The following TOM1 variants were observed in gnomAD, a reference collection of about 807,000 sequenced individuals.
The protein encoded by TOM1 is target of myb1 membrane trafficking protein.
In TOM1, 38 loss-of-function variants were observed where a neutral mutation model predicts 61.3. The observed-to-expected ratio is 0.62, with a 90% CI of 0.48 to 0.81. The LOEUF (loss-of-function observed/expected upper bound fraction) is 0.81. Ranked by LOEUF, TOM1 falls within the 40% of genes least tolerant of loss-of-function variation. TOM1 has a pLI of 0.00. For synonymous variants in TOM1, 270 were observed against 268.8 expected (o/e 1.00, Z -0.04); for missense variants, 591 against 659.6 (o/e 0.90, Z 1.14).
intron 3 of TOM1, 196 bp downstream of exon 3, chr22:35,322,233 A>C (rs1018484953): frequency 4.5e-5 from 26 of 581,160 alleles, no homozygotes; most frequent in Admixed American, 3.0e-4. Flanking sequence ...GGTTCTCCCC[A>C]ATCCCCCAGC....
Position 35,330,391 on chromosome 22 carries a change from G to C in TOM1, c.810G>C (p.Glu270Asp). The C allele has an allele frequency of 6.2e-7, 1 of 1,613,586 alleles. No homozygotes were observed. The highest frequency in any genetic ancestry group is 8.5e-7 in the Non-Finnish European group (1 of 1,179,864). The change falls in exon 8 of 15, where the codon GAG (glutamate) becomes GAC (aspartate). Residue 270 changes from glutamate to aspartate, a missense_variant. Physicochemically the swap from Glu to Asp is conservative, Grantham distance 45. Coordinates refer to ENST00000449058, the MANE Select transcript of TOM1 (RefSeq NM_005488.3). ...GAGCCATGCAGCAGCGGGTCCTGGA[G>C]CTCATCCCTCAGATCGCCAATGAGC... ...TCRAMQQRVL[E>D]LIPQIANEQL... is the part of the protein sequence containing the mutation.
At chr22:35,345,826 C>T in intron 13 of TOM1, 42 bp downstream of exon 13, 8 of 1,603,950 alleles carry the variant, frequency 5.0e-6, no homozygotes, top group East Asian at 2.2e-5. Flanking sequence ...CAGGAGGACC[C>T]GTTGTTCTCA....
chr22:35,303,658 C>T (rs1011270184), intron 1 of TOM1, among the ~76,000 whole-genome samples: 8 of 151,780 alleles, frequency 5.3e-5, no homozygotes, highest in African/African-American at 9.7e-5. Context: ...CCACCATGCC[C>T]GGCTAATTTT....
At position 35,299,949 on chromosome 22, in the gene TOM1, C is replaced by T. The variant is rs367708085; in HGVS notation, c.21C>T (p.Asn7=). MDFLLG[N]PFSSPVGQRI... is the part of the protein sequence containing the mutation. ...CAGCAATGGACTTTCTCCTGGGGAA[C>T]CCGTTCAGCTCTCCAGTGGGACAGC... The change falls in exon 1 of 15, where the codon AAC becomes AAT. Residue 7 remains asparagine, a synonymous_variant. Transcript: ENST00000449058. The T allele has an allele frequency of 6.3e-7, 1 of 1,583,218 alleles. No homozygotes were observed. The highest frequency in any genetic ancestry group is 8.6e-7 in the Non-Finnish European group (1 of 1,163,094).
chr22:35,338,232 T>C (rs1929550225), intron 11 of TOM1, among the ~76,000 whole-genome samples: 1 of 152,164 alleles, frequency 6.6e-6, no homozygotes, highest in Non-Finnish European at 1.5e-5. Flanking sequence ...CAGAGTCATC[T>C]TTGTGCTGGT....
At chr22:35,344,008 C>G (rs1449137558) in intron 12 of TOM1, among the ~76,000 whole-genome samples, 1 of 149,476 alleles carries the variant, frequency 6.7e-6, no homozygotes, top group Non-Finnish European at 1.5e-5. Flanking sequence ...CACTCATACA[C>G]CTACACACAC....
At position 35,333,507 on chromosome 22, in the gene TOM1, G is replaced by C. The variant is rs1456448206; in HGVS notation, c.1027+10G>C. 8.7e-6 allele frequency: 14 copies of C among 1,613,698 alleles called. No homozygotes were observed. The highest frequency in any genetic ancestry group is 1.1e-5 in the Non-Finnish European group (13 of 1,179,690). ...CAGCTGGCAGGAATGAGTAAGTGTGGTTTGGAGGGCTCCAGCTGAGGGTAC... is the reference window on the plus strand; with the variant it reads ...CAGCTGGCAGGAATGAGTAAGTGTGCTTTGGAGGGCTCCAGCTGAGGGTAC... On this transcript the variant is annotated intron_variant, in intron 10 of 14. Coordinates refer to ENST00000449058, the MANE Select transcript of TOM1 (RefSeq NM_005488.3).
At chr22:35,341,319 T>C (rs1373381515) in intron 12 of TOM1, among the ~76,000 whole-genome samples, 1 of 152,210 alleles carries the variant, frequency 6.6e-6, no homozygotes, top group Non-Finnish European at 1.5e-5. Flanking sequence ...AGTACCGCCA[T>C]GTCCTCATCC....
In TOM1 at chr22:35,343,599, TAC is replaced by T. The variant is rs1038417170; in HGVS notation, c.1225-2119_1225-2118del. Among the ~76,000 whole-genome samples, 6 of 82,902 alleles carry T rather than the reference TAC, an allele frequency of 7.2e-5. No individual in the cohort carries two copies. In the East Asian group the frequency reaches 1.3e-3, roughly 18 times the overall value. The allele number at this position is 82,902 out of a possible 152,430, so 54.4% of individuals were successfully genotyped here. ...ACACTCATACACCTACACACACCCCTACACACACCACACACACATCTACACCC... is the reference window on the plus strand; with the variant it reads ...ACACTCATACACCTACACACACCCCTACACACCACACACACATCTACACCC... On this transcript the variant is annotated intron_variant, in intron 12 of 14. Transcript: ENST00000449058.
chr22:35,312,193 G>A (rs1231089203), intron 1 of TOM1, among the ~76,000 whole-genome samples: 3 of 150,766 alleles, frequency 2.0e-5, no homozygotes, highest in Admixed American at 1.3e-4. Context: ...GCAGTGAGCC[G>A]AGATCGCACC....
intron 13 of TOM1, 152 bp from the exon 14 acceptor site, chr22:35,346,778 A>G (rs903221145): frequency 2.9e-6 from 2 of 682,042 alleles, no homozygotes; most frequent in East Asian, 2.7e-5. Context: ...GCCCAGGTCC[A>G]GGTCCTGGGA....
intron 2 of TOM1, among the ~76,000 whole-genome samples, chr22:35,319,409 C>T (rs28532088): frequency 2.6e-5 from 4 of 152,316 alleles, no homozygotes; most frequent in Non-Finnish European, 5.9e-5. Context: ...AACTTAGCCT[C>T]GTTGCTAAAG....
At chr22:35,299,834 C>T (rs1455864245), upstream of TOM1, 34 of 1,450,264 alleles carry the variant, frequency 2.3e-5, no homozygotes, top group Non-Finnish European at 2.6e-5. Context: ...CCCACGCCTC[C>T]TCGCCGGCCT....
At chr22:35,330,326 C>T (rs760659874) in intron 7 of TOM1, 21 bp from the exon 8 acceptor site, 2 of 1,599,958 alleles carry the variant, frequency 1.3e-6, no homozygotes, top group African/African-American at 1.4e-5. Context: ...ACTGTGGTTG[C>T]CTCACTTCCT....
chr22:35,328,733 G>T (rs1458225032), intron 7 of TOM1, among the ~76,000 whole-genome samples: 1 of 152,186 alleles, frequency 6.6e-6, no homozygotes, highest in African/African-American at 2.4e-5. Flanking sequence ...AGGGGACAGG[G>T]TCCACATGAC....
At chr22:35,324,017 T>G in intron 6 of TOM1, 103 bp downstream of exon 6, 3 of 1,384,632 alleles carry the variant, frequency 2.2e-6, no homozygotes, top group Non-Finnish European at 2.9e-6. Flanking sequence ...CCTCCACTTC[T>G]TCCTCACAGC....
intron 12 of TOM1, chr22:35,345,450 C>T (rs1470508787): frequency 3.7e-6 from 2 of 543,004 alleles, no homozygotes; most frequent in South Asian, 2.2e-5. Flanking sequence ...AAGGGTGTGT[C>T]GGAACTGGGG....
intron 1 of TOM1, among the ~76,000 whole-genome samples, chr22:35,303,361 G>A (rs142184026): frequency 5.9e-5 from 9 of 152,120 alleles, no homozygotes; most frequent in South Asian, 2.1e-4. Context: ...TTCCTCCTTG[G>A]TAGAATGTTA....
chr22:35,317,827 TA>T, intron 1 of TOM1, 49 bp from the exon 2 acceptor site: 1 of 1,455,956 alleles, frequency 6.9e-7, no homozygotes, highest in Non-Finnish European at 9.7e-7. Flanking sequence ...GGTTTGAGTT[TA>T]CCCATTCAGG....
Sources: allele counts gnomAD v4.1 joint callset (sites outside exome capture counted in the v4.1 genomes callset), GRCh38; gene constraint gnomAD v4.1.1; transcripts MANE v1.5; gene names NCBI Gene and HGNC (gene_info 2026-07-23, HGNC 2026-07-21).